Variants in RAD18 observed in about 807,000 individuals in gnomAD.
RAD18 encodes RAD18 E3 ubiquitin protein ligase.
RAD18 carries 47 observed loss-of-function variants against 60.4 expected under a neutral mutation model. The observed-to-expected ratio is 0.78, with a 90% CI of 0.62 to 0.99. The LOEUF is 0.99. RAD18 is among the 50% of genes least tolerant of loss of function. RAD18 has a pLI of 0.00. For synonymous variants in RAD18, 225 were observed against 195.5 expected (o/e 1.15, Z -1.26); for missense variants, 640 against 593.3 (o/e 1.08, Z -0.82).
At chr3:8,954,377 A>G (rs978072926) in intron 2 of RAD18, among the ~76,000 whole-genome samples, 3 of 152,168 alleles carry the variant, frequency 2.0e-5, no homozygotes, top group Non-Finnish European at 2.9e-5. Context: ...GACTCTTTTG[A>G]TGTTTGAAAG....
At chr3:8,905,939 T>C (rs1939994762) in intron 9 of RAD18, among the ~76,000 whole-genome samples, 1 of 152,348 alleles carries the variant, frequency 6.6e-6, no homozygotes, top group Non-Finnish European at 1.5e-5. Flanking sequence ...TGTGCACTTA[T>C]GATCTATTTC....
In RAD18 at chr3:8,890,399, C is replaced by G. The variant is rs752205547; in HGVS notation, c.1375G>C (p.Ala459Pro). Residue 459 changes from alanine to proline, a missense_variant, in exon 12 of 13, where the codon GCA becomes CCA. Ala to Pro is a conservative substitution (Grantham distance 27, BLOSUM62 -1). Coordinates refer to ENST00000264926, the MANE Select transcript of RAD18 (RefSeq NM_020165.4). ...ATTATGAGAACTCACTTATGTGATG[C>G]TTCCCAGGCTTCCTCTTCTTCTAAA... ...DLLEEEEAWE[A>P]SHKNDLQDTE... 6.3e-7 allele frequency: 1 copy of G among 1,588,932 alleles called. No individual in the cohort carries two copies. Among genetic ancestry groups the G allele is most frequent in the Non-Finnish European group, 8.6e-7 (1 of 1,157,328 alleles).
chr3:8,913,739 A>C lies in RAD18; in HGVS notation c.890-19T>G, dbSNP rs1428385815. The C allele has an allele frequency of 2.1e-6, 3 of 1,461,748 alleles. No homozygotes were observed. The highest frequency in any genetic ancestry group is 2.8e-6 in the Non-Finnish European group (3 of 1,066,264). 90.5% of individuals were successfully genotyped at this position (1,461,748 alleles called of 1,614,324 possible). On this transcript the variant is annotated intron_variant, in intron 7 of 12. Transcript: ENST00000264926. ...TCAGCAGCTGTTAAAATAAGAAAAT[A>C]ACCACTAGGTTAATCACATGTCTTT...
At chr3:8,881,948 A>G (rs976472255) in intron 12 of RAD18, among the ~76,000 whole-genome samples, 2 of 152,224 alleles carry the variant, frequency 1.3e-5, no homozygotes. Context: ...CAAACAGGTA[A>G]GAAGAATCAG....
intron 9 of RAD18, among the ~76,000 whole-genome samples, chr3:8,902,762 C>T (rs1360306991): frequency 2.6e-5 from 4 of 152,018 alleles, no homozygotes. Flanking sequence ...TGTGGTATCA[C>T]ATGCCTGTAA....
chr3:8,878,386 T>TA lies in RAD18; in HGVS notation c.*2970dup, dbSNP rs1335042280. ...AACCAAAAAAAAATTACTGAAATGG[T>TA]AAAAAATGTAATGGTTGTGGTTTTC... On this transcript the variant is annotated 3_prime_UTR_variant, in exon 13 of 13. Transcript: ENST00000264926. 1 of 152,146 alleles carries TA rather than the reference T, an allele frequency of 6.6e-6. No individual in the cohort carries two copies. Among genetic ancestry groups the TA allele is most frequent in the Non-Finnish European group, 1.5e-5 (1 of 68,022 alleles). The allele number at this position is 152,146 out of a possible 1,614,324, so 9.4% of individuals were successfully genotyped here.
At chr3:8,915,740 C>T (rs569727964) in intron 7 of RAD18, among the ~76,000 whole-genome samples, 137 of 152,136 alleles carry the variant, frequency 9.0e-4, no homozygotes, top group Non-Finnish European at 1.6e-3. Flanking sequence ...CCTGCCACCA[C>T]GCTCAGCTAA....
At chr3:8,932,017 A>G (rs1461937258) in intron 7 of RAD18, among the ~76,000 whole-genome samples, 2 of 152,246 alleles carry the variant, frequency 1.3e-5, no homozygotes, top group African/African-American at 4.8e-5. Flanking sequence ...TGGATCATAG[A>G]TTTAAATATA....
intron 7 of RAD18, among the ~76,000 whole-genome samples, chr3:8,923,729 T>G (rs1374925050): frequency 6.6e-6 from 1 of 152,178 alleles, no homozygotes; most frequent in Non-Finnish European, 1.5e-5. Context: ...GCAGAAACTT[T>G]ACAAGCCAGA....
chr3:8,926,975 A>T (rs78790854), intron 7 of RAD18, among the ~76,000 whole-genome samples: 86,862 of 151,504 alleles, frequency 0.57, 28,645 homozygotes, highest in Middle Eastern at 0.73. Context: ...AACCTAGGCA[A>T]TACCATTCAG....
At chr3:8,883,561 C>A (rs1386229092) in intron 12 of RAD18, among the ~76,000 whole-genome samples, 1 of 152,152 alleles carries the variant, frequency 6.6e-6, no homozygotes, top group Non-Finnish European at 1.5e-5. Context: ...TGTGTCTGTG[C>A]TGGGGCATGC....
intron 4 of RAD18, among the ~76,000 whole-genome samples, chr3:8,943,803 T>C (rs573302141): frequency 6.6e-6 from 1 of 152,044 alleles, no homozygotes; most frequent in Non-Finnish European, 1.5e-5. Context: ...ACTAGAAAAA[T>C]ATTCTAAACT....
intron 2 of RAD18, among the ~76,000 whole-genome samples, chr3:8,950,686 T>C (rs1477885120): frequency 6.6e-6 from 1 of 152,130 alleles, no homozygotes; most frequent in African/African-American, 2.4e-5. Flanking sequence ...TGAGCAAGCA[T>C]CAGAACCAAA....
At chr3:8,931,123 A>C (rs751094878) in intron 7 of RAD18, among the ~76,000 whole-genome samples, 2 of 152,184 alleles carry the variant, frequency 1.3e-5, no homozygotes, top group Non-Finnish European at 2.9e-5. Context: ...TAAAAATCCT[A>C]TGAAATCTAT....
intron 11 of RAD18, among the ~76,000 whole-genome samples, 168 bp downstream of exon 11, chr3:8,898,726 C>T (rs924248195): frequency 1.3e-5 from 2 of 152,160 alleles, no homozygotes; most frequent in African/African-American, 4.8e-5. Context: ...TTCCCAAATC[C>T]TGCCTTGTTA....
At chr3:8,905,830 C>G (rs531297995) in intron 9 of RAD18, among the ~76,000 whole-genome samples, 3 of 152,300 alleles carry the variant, frequency 2.0e-5, no homozygotes, top group South Asian at 2.1e-4. Context: ...TTCGACACTC[C>G]CCATGTGGCC....
At chr3:8,941,924 T>G (rs1365104482) in intron 4 of RAD18, 120 bp from the exon 5 acceptor site, 2 of 938,254 alleles carry the variant, frequency 2.1e-6, no homozygotes, top group African/African-American at 1.7e-5. Flanking sequence ...TATACTATAA[T>G]GACAACCAAA....
chr3:8,935,855 T>C lies in RAD18; in HGVS notation c.889+16A>G. ...TATCCAGAAAGTAAGCATAACTCAC[T>C]GTTTTATTACTTTACCTGATTTAGG... On this transcript the variant is annotated intron_variant, in intron 7 of 12. Coordinates refer to ENST00000264926, the MANE Select transcript of RAD18 (RefSeq NM_020165.4). 1 of 1,530,084 alleles carries C rather than the reference T, an allele frequency of 6.5e-7. No homozygotes were observed. Among genetic ancestry groups the C allele is most frequent in the Non-Finnish European group, 8.8e-7 (1 of 1,137,034 alleles). The allele number at this position is 1,530,084 out of a possible 1,614,324, so 94.8% of individuals were successfully genotyped here. A position where few individuals can be genotyped will look rare whatever the true frequency, so the allele number is the denominator to read the frequency against.
At position 8,902,396 on chromosome 3, in the gene RAD18, T is replaced by C. The variant is rs757559204; in HGVS notation, c.1152A>G (p.Leu384=). ...ITKEDESTEK[L]SSVCMGQEDN... ...GTCTCTTACCCATGCATACAGAAGA[T>C]AGCTTTTCTGTAGATTCATCTTCTT... Residue 384 remains leucine, a synonymous_variant, in exon 10 of 13, where the codon CTA becomes CTG. Coordinates refer to ENST00000264926, the MANE Select transcript of RAD18 (RefSeq NM_020165.4). 5.6e-6 allele frequency: 9 copies of C among 1,601,540 alleles called. No homozygotes were observed. The highest frequency in any genetic ancestry group is 1.7e-5 in the Admixed American group (1 of 58,190).
Sources: allele counts gnomAD v4.1 joint callset (sites outside exome capture counted in the v4.1 genomes callset), GRCh38; gene constraint gnomAD v4.1.1; transcripts MANE v1.5; gene names NCBI Gene and HGNC (gene_info 2026-07-23, HGNC 2026-07-21).